LNX2: variants seen among roughly 807,000 people sequenced by gnomAD.
The protein encoded by LNX2 is ligand of Numb protein X 2.
Under a neutral mutation model 66.2 loss-of-function variants are expected in LNX2, and 35 were observed. That is an observed-to-expected ratio of 0.53 (90% CI 0.40 to 0.70). LNX2 has a LOEUF of 0.70. LNX2 is among the 30% of genes least tolerant of loss of function. The pLI, the probability that LNX2 is intolerant of heterozygous loss-of-function variation, is 0.00. For synonymous variants in LNX2, 337 were observed against 315.6 expected (o/e 1.07, Z -0.72); for missense variants, 791 against 850.8 (o/e 0.93, Z 0.87).
chr13:27,584,253 C>T (rs1955458689), intron 1 of LNX2, among the ~76,000 whole-genome samples: 1 of 152,068 alleles, frequency 6.6e-6, no homozygotes, highest in Non-Finnish European at 1.5e-5. Context: ...GGAAAAACAA[C>T]ATTAAAGTAG....
chr13:27,575,935 G>C (rs1267298631), intron 2 of LNX2, among the ~76,000 whole-genome samples: 1 of 152,032 alleles, frequency 6.6e-6, no homozygotes, highest in Non-Finnish European at 1.5e-5. Flanking sequence ...AAAGAAATAA[G>C]ACATATAGAA....
Position 27,569,030 on chromosome 13 carries a change from G to A in LNX2, c.654C>T (p.Asp218=), listed in dbSNP as rs767031796. 1 of 1,612,162 alleles carries A rather than the reference G, an allele frequency of 6.2e-7. No individual in the cohort carries two copies. The highest frequency in any genetic ancestry group is 8.5e-7 in the Non-Finnish European group (1 of 1,179,260). Residue 218 remains aspartate (D), a splice_region_variant and synonymous_variant, in exon 3 of 10, where the codon GAC becomes GAT. Coordinates refer to ENST00000316334, the MANE Select transcript of LNX2 (RefSeq NM_153371.4). ...CACAAGGAGTTGCACCACACATACT[G>A]TCAGCTCCAGCGCTCTCCTCAAAGG... ...NPAFEESAGA[D]TTQQPLSLPE...
intron 1 of LNX2, among the ~76,000 whole-genome samples, chr13:27,594,722 G>A (rs1006107465): frequency 2.0e-5 from 3 of 151,948 alleles, no homozygotes; most frequent in South Asian, 2.1e-4. Context: ...TATATTCCCA[G>A]TATCACATAA....
intron 7 of LNX2, among the ~76,000 whole-genome samples, chr13:27,555,240 C>T (rs1226207647): frequency 6.6e-6 from 1 of 152,244 alleles, no homozygotes; most frequent in African/African-American, 2.4e-5. Context: ...TGAGCCACCA[C>T]ACCCAGCCTG....
intron 2 of LNX2, among the ~76,000 whole-genome samples, chr13:27,580,260 T>G (rs1197176286): frequency 2.0e-5 from 3 of 152,056 alleles, no homozygotes; most frequent in African/African-American, 7.2e-5. Context: ...AACTACAGCA[T>G]TAACTAAATT....
At chr13:27,556,875 T>G (rs982134154) in intron 6 of LNX2, among the ~76,000 whole-genome samples, 2 of 152,194 alleles carry the variant, frequency 1.3e-5, no homozygotes, top group African/African-American at 4.8e-5. Flanking sequence ...CATCGACCTA[T>G]CTCCTGATTC....
chr13:27,613,901 C>A (rs1042136491), intron 1 of LNX2, among the ~76,000 whole-genome samples: 9 of 152,152 alleles, frequency 5.9e-5, no homozygotes, highest in African/African-American at 2.2e-4. Context: ...TGTGTGCCAC[C>A]CAAGCCCAGC....
At chr13:27,569,380 T>C in intron 2 of LNX2, 104 bp from the exon 3 acceptor site, 1 of 1,217,402 alleles carries the variant, frequency 8.2e-7, no homozygotes, top group Non-Finnish European at 1.2e-6. Context: ...AACCAGAAGC[T>C]AGAAGTACCT....
At chr13:27,559,340 T>A (rs535244850) in intron 6 of LNX2, among the ~76,000 whole-genome samples, 4 of 139,456 alleles carry the variant, frequency 2.9e-5, no homozygotes, top group Non-Finnish European at 6.8e-5. Flanking sequence ...TATGTACCTA[T>A]CAAATACGTA....
chr13:27,562,302 T>A, intron 5 of LNX2, 111 bp downstream of exon 5: 1 of 1,350,660 alleles, frequency 7.4e-7, no homozygotes, highest in Non-Finnish European at 1.0e-6. Context: ...CCCGATTTTC[T>A]AATGAAATAT....
At chr13:27,582,220 A>G (rs1335559605) in intron 1 of LNX2, among the ~76,000 whole-genome samples, 2 of 151,914 alleles carry the variant, frequency 1.3e-5, no homozygotes, top group East Asian at 3.9e-4. Flanking sequence ...TTTTGTAGAG[A>G]CAGGGTTTCC....
chr13:27,603,420 T>C (rs1447631680), intron 1 of LNX2, among the ~76,000 whole-genome samples: 1 of 131,294 alleles, frequency 7.6e-6, no homozygotes, highest in Non-Finnish European at 1.7e-5. Context: ...CAATTGCACA[T>C]TCTGAATTAG....
At chr13:27,579,421 T>C (rs1032385928) in intron 2 of LNX2, among the ~76,000 whole-genome samples, 4 of 152,202 alleles carry the variant, frequency 2.6e-5, no homozygotes, top group African/African-American at 4.8e-5. Context: ...AGGCCTAAGA[T>C]ACTTTAGAAA....
rs377114432 is a variant in LNX2 at position 27,584,441 on chromosome 13, C to A, written c.-100-2638G>T. Among the ~76,000 whole-genome samples the A allele has an allele frequency of 2.1e-4, 32 of 150,782 alleles. No homozygotes were observed. The East Asian group carries it at 3.9e-3, about 18-fold the overall frequency. The stretch of plus-strand genomic sequence containing the variant: ...TGGTGGCATGTGCCTGCAGTCCCAG[C>A]TACTCAGGAGGCTGAGGTGGGACGA... On this transcript the variant is annotated intron_variant, in intron 1 of 9. Coordinates refer to ENST00000316334, the MANE Select transcript of LNX2 (RefSeq NM_153371.4).
chr13:27,567,877 T>C, intron 3 of LNX2, 38 bp from the exon 4 acceptor site: 1 of 1,546,460 alleles, frequency 6.5e-7, no homozygotes, highest in Non-Finnish European at 8.9e-7. Flanking sequence ...AAACAGATGT[T>C]AAAAAAATAA....
At chr13:27,588,035 A>C (rs1179448801) in intron 1 of LNX2, among the ~76,000 whole-genome samples, 5 of 148,082 alleles carry the variant, frequency 3.4e-5, no homozygotes, top group Admixed American at 1.3e-4. Context: ...AAAAAAAAAA[A>C]AAAAAAAAAA....
At chr13:27,571,823 T>C (rs1955284136) in intron 2 of LNX2, among the ~76,000 whole-genome samples, 2 of 152,174 alleles carry the variant, frequency 1.3e-5, no homozygotes, top group Admixed American at 6.5e-5. Flanking sequence ...TACTTGGAAC[T>C]GAAAGAGAAA....
intron 1 of LNX2, among the ~76,000 whole-genome samples, chr13:27,604,855 A>AT (rs34254877): frequency 0.11 from 15,555 of 138,320 alleles, 897 homozygotes; most frequent in African/African-American, 0.12. Flanking sequence ...TTTCTATTTA[A>AT]TTTTTTTTTT....
chr13:27,574,048 A>G (rs751038041), intron 2 of LNX2, among the ~76,000 whole-genome samples: 5 of 152,202 alleles, frequency 3.3e-5, no homozygotes, highest in Non-Finnish European at 7.3e-5. Context: ...AAACCTATCT[A>G]AAGAACTAAA....
Sources: allele counts gnomAD v4.1 joint callset (sites outside exome capture counted in the v4.1 genomes callset), GRCh38; gene constraint gnomAD v4.1.1; transcripts MANE v1.5; gene names NCBI Gene and HGNC (gene_info 2026-07-23, HGNC 2026-07-21).